The following AHCY variants were observed in gnomAD, a reference collection of about 807,000 sequenced individuals.
AHCY encodes the protein S-adenosyl-L-homocysteine hydrolase.
A neutral mutation model predicts 45.4 loss-of-function variants in AHCY; 24 were observed. The ratio of observed to expected loss-of-function variants is 0.53; its 90% confidence interval spans 0.38 to 0.74. The LOEUF (loss-of-function observed/expected upper bound fraction) is 0.74. AHCY is among the 30% of genes least tolerant of loss of function. AHCY has a pLI of 0.00. For missense variants in AHCY, 449 were observed against 594.1 expected (o/e 0.76, Z 2.54); for synonymous variants, 245 against 235.1 (o/e 1.04, Z -0.39).
the AHCY span, chr20:34,269,095 C>A: frequency 2.6e-5 from 41 of 1,573,226 alleles, no homozygotes; most frequent in Non-Finnish European, 3.3e-5. Context: ...CCTGCTGCGA[C>A]CCGTGCGCCT....
chr20:34,285,768 A>G (rs1292976457), intron 8 of AHCY, 134 bp from the exon 9 acceptor site: 17 of 922,246 alleles, frequency 1.8e-5, no homozygotes, highest in Non-Finnish European at 2.9e-5. Context: ...CCTCCAGCAC[A>G]TGGCTTAGCA....
intron 9 of AHCY, among the ~76,000 whole-genome samples, chr20:34,285,032 T>C (rs1336267395): frequency 6.6e-6 from 1 of 152,160 alleles, no homozygotes; most frequent in African/African-American, 2.4e-5. Flanking sequence ...CTAGCCCCTG[T>C]GGGTGTGTGG....
At position 34,281,012 on chromosome 20, in the gene AHCY, G is replaced by A. The variant is rs745886007; in HGVS notation, c.*22C>T. 5 of 1,613,792 alleles carry A rather than the reference G, an allele frequency of 3.1e-6. No individual in the cohort carries two copies. Among genetic ancestry groups the A allele is most frequent in the Non-Finnish European group, 2.5e-6 (3 of 1,179,956 alleles). The stretch of plus-strand genomic sequence containing the variant: ...GGCCTGGGCAAGGACAGCAGCTGGA[G>A]GGTGAAACGCAGACCTGGCTCTCAG... On this transcript the variant is annotated 3_prime_UTR_variant, in exon 10 of 10. Coordinates refer to ENST00000217426, the MANE Select transcript of AHCY (RefSeq NM_000687.4).
intron 3 of AHCY, among the ~76,000 whole-genome samples, chr20:34,292,893 G>A (rs1364716297): frequency 6.6e-6 from 1 of 152,040 alleles, no homozygotes; most frequent in African/African-American, 2.4e-5. Flanking sequence ...AAGGACTGAG[G>A]CATCAACCCT....
At chr20:34,251,525 C>G in the AHCY span, among the ~76,000 whole-genome samples, 1 of 152,122 alleles carries the variant, frequency 6.6e-6, no homozygotes, top group Non-Finnish European at 1.5e-5. Flanking sequence ...CCGTCCGCCT[C>G]GGCCTCCCAA....
the AHCY span, among the ~76,000 whole-genome samples, chr20:34,243,064 C>T: frequency 1.3e-5 from 2 of 152,342 alleles, no homozygotes; most frequent in African/African-American, 4.8e-5. Flanking sequence ...GCATTGTATT[C>T]CTTGTACACT....
chr20:34,239,517 T>A, the AHCY span, among the ~76,000 whole-genome samples: 1 of 152,220 alleles, frequency 6.6e-6, no homozygotes, highest in Non-Finnish European at 1.5e-5. Context: ...GTGGGTCATA[T>A]AATGAACTAA....
chr20:34,276,226 G>A (rs2035909422), downstream of AHCY, among the ~76,000 whole-genome samples: 1 of 152,202 alleles, frequency 6.6e-6, no homozygotes. Context: ...TTGTTAAAAT[G>A]CACACTATAA....
At chr20:34,277,816 C>T (rs1479497953), downstream of AHCY, among the ~76,000 whole-genome samples, 1 of 150,582 alleles carries the variant, frequency 6.6e-6, no homozygotes, top group Non-Finnish European at 1.5e-5. Context: ...TTCTATCATT[C>T]GAGCGTCAAG....
chr20:34,236,074 GAGAA>G, the AHCY span, among the ~76,000 whole-genome samples: 1 of 141,644 alleles, frequency 7.1e-6, no homozygotes, highest in Non-Finnish European at 1.5e-5. Context: ...GAGAAAGAAA[GAGAA>G]AGAGAAGGAA....
chr20:34,262,711 G>A, the AHCY span: 23 of 1,063,550 alleles, frequency 2.2e-5, no homozygotes, highest in Middle Eastern at 2.1e-4. Context: ...GACTCATCCA[G>A]CACGCTTCTT....
the AHCY span, among the ~76,000 whole-genome samples, chr20:34,269,924 A>G: frequency 7.2e-6 from 1 of 138,132 alleles, no homozygotes. Context: ...AGCCTGGGCA[A>G]CAAGAGCGAG....
At chr20:34,286,631 C>T (rs1191419497) in intron 8 of AHCY, among the ~76,000 whole-genome samples, 1 of 151,794 alleles carries the variant, frequency 6.6e-6, no homozygotes, top group African/African-American at 2.4e-5. Flanking sequence ...GTCGGGAGTT[C>T]GGGACCAGCC....
chr20:34,302,691 C>G, intron 1 of AHCY: 4 of 987,294 alleles, frequency 4.1e-6, no homozygotes, highest in Non-Finnish European at 4.8e-6. Context: ...GCTGCCCCTG[C>G]TGGAGGGGTG....
At chr20:34,261,265 G>C in the AHCY span, among the ~76,000 whole-genome samples, 1 of 152,050 alleles carries the variant, frequency 6.6e-6, no homozygotes, top group African/African-American at 2.4e-5. Flanking sequence ...TGGGAAGCTG[G>C]AGGCATGAGG....
downstream of AHCY, among the ~76,000 whole-genome samples, chr20:34,279,057 TGAGATTG>T (rs2035937971): frequency 7.7e-6 from 1 of 130,274 alleles, no homozygotes; most frequent in South Asian, 2.4e-4. Context: ...TGCAGTGAGC[TGAGATTG>T]TGCCACTGCA....
chr20:34,310,303 C>A (rs568322812), intron 1 of AHCY, among the ~76,000 whole-genome samples: 1 of 152,188 alleles, frequency 6.6e-6, no homozygotes, highest in South Asian at 2.1e-4. Context: ...TCGTGATCCA[C>A]CTGCCTTGGC....
At chr20:34,254,413 A>G in the AHCY span, among the ~76,000 whole-genome samples, 1 of 152,208 alleles carries the variant, frequency 6.6e-6, no homozygotes, top group Non-Finnish European at 1.5e-5. Context: ...TCTAATGAGT[A>G]ATAACAGCAA....
chr20:34,233,848 G>C, the AHCY span, among the ~76,000 whole-genome samples: 1 of 152,206 alleles, frequency 6.6e-6, no homozygotes, highest in Non-Finnish European at 1.5e-5. Context: ...CAACAGGAAT[G>C]AGATACCAGT....
Sources: allele counts gnomAD v4.1 joint callset (sites outside exome capture counted in the v4.1 genomes callset), GRCh38; gene constraint gnomAD v4.1.1; transcripts MANE v1.5; gene names NCBI Gene and HGNC (gene_info 2026-07-23, HGNC 2026-07-21).